Variants in BABAM2 observed in about 807,000 individuals in gnomAD.
BABAM2 encodes the protein BRISC and BRCA1 A complex member 2.
Under a neutral mutation model 54.7 loss-of-function variants are expected in BABAM2, and 31 were observed. The observed-to-expected ratio is 0.57, with a 90% CI of 0.43 to 0.77. The LOEUF (loss-of-function observed/expected upper bound fraction) is 0.77. Ranked by LOEUF, BABAM2 falls within the 30% of genes least tolerant of loss-of-function variation. The pLI, the probability that BABAM2 is intolerant of heterozygous loss-of-function variation, is 0.00. For synonymous variants in BABAM2, 167 were observed against 162.9 expected, an observed-to-expected ratio of 1.03 and a Z score of -0.19; for missense variants, 364 against 455.8, an observed-to-expected ratio of 0.80 and a Z score of 1.83.
intron 10 of BABAM2, among the ~76,000 whole-genome samples, chr2:28,269,624 G>T (rs1476815900): frequency 6.6e-6 from 1 of 152,112 alleles, no homozygotes; most frequent in African/African-American, 2.4e-5. Context: ...ATCCAAACTG[G>T]GTGGTAACTG....
At chr2:28,078,760 G>C (rs1664912213) in intron 6 of BABAM2, among the ~76,000 whole-genome samples, 2 of 152,150 alleles carry the variant, frequency 1.3e-5, no homozygotes, top group African/African-American at 2.4e-5. Context: ...CATCTAGGTG[G>C]AGATGTCCAG....
In BABAM2 at chr2:27,909,849, A is replaced by G. The variant is rs1417224861; in HGVS notation, c.128+15165A>G. ...ATGGTAGTAGTGTATAGGACATGCT[A>G]TGACATTGGTTAACATAAGCAGCTC... On this transcript the variant is annotated intron_variant, in intron 2 of 11. Coordinates refer to ENST00000379624, the MANE Select transcript of BABAM2 (RefSeq NM_199191.3). Among the ~76,000 whole-genome samples, 5 of 152,342 alleles carry G rather than the reference A, an allele frequency of 3.3e-5. No homozygotes were observed. The South Asian group carries it at 8.3e-4, about 25-fold the overall frequency.
intron 5 of BABAM2, among the ~76,000 whole-genome samples, chr2:28,044,502 A>AT (rs1380907036): frequency 2.6e-5 from 4 of 152,314 alleles, no homozygotes; most frequent in African/African-American, 9.6e-5. Context: ...AAGTGCTGGG[A>AT]TTACAGGCAT....
intron 6 of BABAM2, among the ~76,000 whole-genome samples, chr2:28,046,054 C>T (rs1677537255): frequency 6.6e-6 from 1 of 152,106 alleles, no homozygotes; most frequent in South Asian, 2.1e-4. Flanking sequence ...GGAAAAATCG[C>T]TTTTATTTAA....
intron 7 of BABAM2, among the ~76,000 whole-genome samples, chr2:28,153,434 A>G (rs369500697): frequency 2.0e-5 from 3 of 152,202 alleles, no homozygotes; most frequent in Non-Finnish European, 2.9e-5. Context: ...TCTCAATTCA[A>G]CTTGTCTTTG....
intron 6 of BABAM2, among the ~76,000 whole-genome samples, chr2:28,078,330 T>C (rs1335478929): frequency 2.3e-5 from 3 of 128,620 alleles, no homozygotes; most frequent in Non-Finnish European, 5.3e-5. Context: ...GACCCTTATT[T>C]TACTTAATTA....
intron 3 of BABAM2, among the ~76,000 whole-genome samples, chr2:27,961,535 T>C (rs895226153): frequency 1.3e-5 from 2 of 152,166 alleles, no homozygotes; most frequent in Non-Finnish European, 2.9e-5. Context: ...CAGTAGGTTA[T>C]TAAATGCATT....
chr2:27,964,681 G>A (rs1358249289), intron 3 of BABAM2, among the ~76,000 whole-genome samples: 1 of 152,204 alleles, frequency 6.6e-6, no homozygotes, highest in Admixed American at 6.5e-5. Context: ...ACTGCTTGAA[G>A]AAGCTAAGAG....
Position 28,304,423 on chromosome 2 carries a change from T to G in BABAM2, c.1088+5932T>G, listed in dbSNP as rs188873702. ...AAATATTTATAAATATATAAAAATA[T>G]AAACAAAATTTTTAAAAATTTATTT... On this transcript the variant is annotated intron_variant, in intron 11 of 11. Transcript: ENST00000379624. The surrounding 1 kb of genome is among the most constrained non-coding windows in gnomAD (Gnocchi z 4.0). Among the ~76,000 whole-genome samples, 4 of 150,356 alleles carry G rather than the reference T, an allele frequency of 2.7e-5. No homozygotes were observed. Among genetic ancestry groups the G allele is most frequent in the African/African-American group, 7.3e-5 (3 of 41,288 alleles).
chr2:28,316,117 C>A (rs1689531458), intron 11 of BABAM2, among the ~76,000 whole-genome samples: 1 of 152,092 alleles, frequency 6.6e-6, no homozygotes, highest in South Asian at 2.1e-4. Flanking sequence ...AAGTATGCCC[C>A]ATGCAGTATT....
intron 6 of BABAM2, among the ~76,000 whole-genome samples, chr2:28,092,800 C>T (rs1386119250): frequency 6.6e-6 from 1 of 151,598 alleles, no homozygotes; most frequent in African/African-American, 2.4e-5. Context: ...CTGCCCTGAT[C>T]ATTTGTACTT....
rs535881422 is a variant in BABAM2, at chr2:28,056,987, A to T, written c.570+11188A>T. 3.9e-5 allele frequency among the ~76,000 whole-genome samples: 6 copies of T among 152,226 alleles called. No individual in the cohort carries two copies. In the South Asian group the frequency reaches 1.2e-3, roughly 32 times the overall value. ...TTAGTATGTAATTTACTAGAATGCAATTTTTTAAGGAATGCGTATATCATA... is the reference window on the plus strand; with the variant it reads ...TTAGTATGTAATTTACTAGAATGCATTTTTTTAAGGAATGCGTATATCATA... On this transcript the variant is annotated intron_variant, in intron 6 of 11. Coordinates refer to ENST00000379624, the MANE Select transcript of BABAM2 (RefSeq NM_199191.3).
At chr2:28,317,125 A>G (rs1689622649) in intron 11 of BABAM2, among the ~76,000 whole-genome samples, 2 of 152,106 alleles carry the variant, frequency 1.3e-5, no homozygotes, top group Non-Finnish European at 2.9e-5. Context: ...AGCGAGCAGG[A>G]CCACTGCTGC....
intron 11 of BABAM2, among the ~76,000 whole-genome samples, chr2:28,337,236 C>CCTCCCTTCTCCTCCCCTCACTTTT (rs1553370332): frequency 2.0e-5 from 3 of 152,018 alleles, no homozygotes; most frequent in Non-Finnish European, 4.4e-5. Context: ...CTCTGCAGCC[C>CCTCCCTTCTCCTCCCCTCACTTTT]CTCCCTTCTC....
chr2:28,006,107 C>T (rs1673947666), intron 4 of BABAM2, among the ~76,000 whole-genome samples: 1 of 151,524 alleles, frequency 6.6e-6, no homozygotes, highest in South Asian at 2.1e-4. Context: ...TTTTTTTTCC[C>T]CTTTTTTGCA....
chr2:28,089,248 A>T (rs946315666), intron 6 of BABAM2, among the ~76,000 whole-genome samples: 2 of 152,200 alleles, frequency 1.3e-5, no homozygotes, highest in Non-Finnish European at 2.9e-5. Flanking sequence ...ATCCACAGAC[A>T]TGGTACCTAG....
intron 7 of BABAM2, among the ~76,000 whole-genome samples, chr2:28,216,136 CATG>C (rs1217436707): frequency 3.3e-5 from 5 of 152,354 alleles, no homozygotes; most frequent in Non-Finnish European, 4.4e-5. Flanking sequence ...ATAACAGCAT[CATG>C]ATAAGTTAAA....
At chr2:28,135,869 C>G (rs1670489975) in intron 7 of BABAM2, among the ~76,000 whole-genome samples, 1 of 152,178 alleles carries the variant, frequency 6.6e-6, no homozygotes, top group Non-Finnish European at 1.5e-5. Flanking sequence ...CTGAGGGGCT[C>G]TTAACTTCTA....
intron 2 of BABAM2, among the ~76,000 whole-genome samples, chr2:27,901,857 A>G (rs943005888): frequency 6.6e-6 from 1 of 152,146 alleles, no homozygotes; most frequent in Non-Finnish European, 1.5e-5. Context: ...TTATGTATTC[A>G]TTATACATAA....
Sources: allele counts gnomAD v4.1 joint callset (sites outside exome capture counted in the v4.1 genomes callset), GRCh38; gene constraint gnomAD v4.1.1; non-coding constraint Gnocchi (gnomAD v3.1); transcripts MANE v1.5; gene names NCBI Gene and HGNC (gene_info 2026-07-23, HGNC 2026-07-21).